Variants in EHMT1 observed in about 807,000 individuals in gnomAD.
EHMT1 encodes euchromatic histone lysine methyltransferase 1.
EHMT1 carries 15 observed loss-of-function variants against 147.2 expected under a neutral mutation model. That is an observed-to-expected ratio of 0.10 (90% CI 0.07 to 0.16). The LOEUF (loss-of-function observed/expected upper bound fraction) is 0.16, where lower values mean the gene tolerates loss of function less well. Among genes scored for constraint, EHMT1 ranks in the 10% least tolerant of loss-of-function variants. The probability of loss-of-function intolerance (pLI) is 1.00; values close to 1 mark genes in which losing one functional copy is unlikely to be tolerated. For missense variants in EHMT1, 1,587 were observed against 1,772.4 expected (o/e 0.90, Z 1.88); for synonymous variants, 795 against 709.6 (o/e 1.12, Z -1.91).
rs755866449 is a variant in EHMT1 at position 137,716,750 on chromosome 9, A to C, written c.210A>C (p.Ala70=). The change falls in exon 3 of 27, where the codon GCA becomes GCC. Residue 70 remains alanine, a synonymous_variant. Transcript: ENST00000460843. ...ATGCCAGCAGTCATGCAAATGCTGC[A>C]AAGCACACTCAGGACAGCGCAAGGG... ...NSDASSHANA[A]KHTQDSARVN... 2 of 1,612,844 alleles carry C rather than the reference A, an allele frequency of 1.2e-6. No homozygotes were observed. Among genetic ancestry groups the C allele is most frequent in the Non-Finnish European group, 1.7e-6 (2 of 1,179,682 alleles).
intron 4 of EHMT1, among the ~76,000 whole-genome samples, chr9:137,735,670 C>T (rs1214566445): frequency 6.6e-6 from 1 of 152,154 alleles, no homozygotes; most frequent in Non-Finnish European, 1.5e-5. Flanking sequence ...CCCAATATGG[C>T]AGTGTTGTGA....
At chr9:137,738,205 C>A (rs1462032053) in intron 4 of EHMT1, among the ~76,000 whole-genome samples, 16 of 145,582 alleles carry the variant, frequency 1.1e-4, no homozygotes, top group African/African-American at 3.7e-4. Flanking sequence ...AAAAAAACAA[C>A]AACAAAAAAA....
intron 3 of EHMT1, among the ~76,000 whole-genome samples, chr9:137,718,102 CT>C (rs1457173387): frequency 1.4e-5 from 2 of 143,608 alleles, no homozygotes; most frequent in Non-Finnish European, 2.9e-5. Flanking sequence ...GCGCCCGCCC[CT>C]CACGCACCGT....
At position 137,797,236 on chromosome 9, in the gene EHMT1, C is replaced by G. The variant is rs146448122; in HGVS notation, c.2506-1577C>G. On this transcript the variant is annotated intron_variant, in intron 16 of 26. Coordinates refer to ENST00000460843, the MANE Select transcript of EHMT1 (RefSeq NM_024757.5). ...CAGACCTCACAGCTAGCTGCTGTCA[C>G]TGAACCCGACAGAAGCCTTTCCTTA... 7.8e-3 allele frequency among the ~76,000 whole-genome samples: 1,192 copies of G among 152,256 alleles called. 25 individuals are homozygous for G. The highest frequency in any genetic ancestry group is 0.027 in the African/African-American group (1,140 of 41,530).
chr9:137,825,244 G>A (rs1955729391), intron 25 of EHMT1, among the ~76,000 whole-genome samples: 1 of 152,204 alleles, frequency 6.6e-6, no homozygotes, highest in South Asian at 2.1e-4. Context: ...TCAAGGGGAT[G>A]GGTTGATACA....
chr9:137,716,936 A>T lies in EHMT1; in HGVS notation c.396A>T (p.Leu132=), dbSNP rs752954008. Residue 132 remains leucine, a synonymous_variant, in exon 3 of 27, where the codon CTA becomes CTT. Transcript: ENST00000460843. Reference sequence around the variant, plus strand: ...GATACATCTTAAATAAGCCGGCCCTACAGGCACAGCCCTTGAGGACTACCA... The same window carrying T: ...GATACATCTTAAATAAGCCGGCCCTTCAGGCACAGCCCTTGAGGACTACCA... The part of the protein sequence containing the change: ...SNGYILNKPA[L]QAQPLRTTST... 1.1e-5 allele frequency: 18 copies of T among 1,612,946 alleles called. No homozygotes were observed. The highest frequency in any genetic ancestry group is 1.4e-5 in the Non-Finnish European group (17 of 1,179,850).
chr9:137,800,622 C>T, intron 17 of EHMT1: 2 of 541,866 alleles, frequency 3.7e-6, no homozygotes, highest in Non-Finnish European at 6.7e-6. Context: ...GCAAGGCCGA[C>T]AGCACAGGGC....
intron 4 of EHMT1, among the ~76,000 whole-genome samples, chr9:137,735,824 T>C (rs1947484487): frequency 6.6e-6 from 1 of 152,228 alleles, no homozygotes; most frequent in Non-Finnish European, 1.5e-5. Context: ...TTGGTTTCTC[T>C]GTCTCTTCCT....
At chr9:137,714,470 G>A (rs1400076193) in intron 2 of EHMT1, among the ~76,000 whole-genome samples, 1 of 151,246 alleles carries the variant, frequency 6.6e-6, no homozygotes, top group Non-Finnish European at 1.5e-5. Flanking sequence ...CATTTCTGGG[G>A]TTAAATTCCA....
At chr9:137,757,285 C>T (rs2136261954) in intron 8 of EHMT1, among the ~76,000 whole-genome samples, 1 of 152,346 alleles carries the variant, frequency 6.6e-6, no homozygotes, top group Admixed American at 6.5e-5. Flanking sequence ...CTCACAGCAC[C>T]CTGCTCCCTG....
chr9:137,694,509 C>G (rs1943234866), intron 1 of EHMT1, among the ~76,000 whole-genome samples: 1 of 152,196 alleles, frequency 6.6e-6, no homozygotes. Context: ...GAGGCAGTCT[C>G]GTTGGTCGGC....
chr9:137,834,812 G>A lies in EHMT1; in HGVS notation c.3756G>A (p.Lys1252=), dbSNP rs1401488433. Residue 1252 remains lysine, a synonymous_variant, in exon 27 of 27, where the codon AAG becomes AAA. Transcript: ENST00000460843. ...AGCGCTTCTGGGACATCAAAGGCAA[G>A]CTCTTCAGCTGCCGCTGCGGCTCCC... ...YGERFWDIKG[K]LFSCRCGSPK... is the part of the protein sequence containing the mutation. 1.9e-6 allele frequency: 3 copies of A among 1,612,678 alleles called. No homozygotes were observed. Among genetic ancestry groups the A allele is most frequent in the East Asian group, 2.2e-5 (1 of 44,866 alleles).
Position 137,762,261 on chromosome 9 carries a change from A to ATT in EHMT1, c.1502-402_1502-401dup, listed in dbSNP as rs11405067. ...ACCGTTATTAAAACCTTCCAAACTG[A>ATT]TTTTTTTTTTTTTGTGGCTGCCATT... On this transcript the variant is annotated intron_variant, in intron 9 of 26. Coordinates refer to ENST00000460843, the MANE Select transcript of EHMT1 (RefSeq NM_024757.5). Among the ~76,000 whole-genome samples, 622 of 147,414 alleles carry ATT rather than the reference A, an allele frequency of 4.2e-3. 2 individuals carry two copies. The highest frequency in any genetic ancestry group is 0.021 in the Middle Eastern group (6 of 286).
In EHMT1 at chr9:137,810,016, G is replaced by C. The variant is rs56064095; in HGVS notation, c.2713-1445G>C. ...TCCGATGCTGCCCCTCGTGGACTGTGGGTGATGGGTCCGGAGGCGGTTCCG... is the reference window on the plus strand; with the variant it reads ...TCCGATGCTGCCCCTCGTGGACTGTCGGTGATGGGTCCGGAGGCGGTTCCG... On this transcript the variant is annotated intron_variant, in intron 18 of 26. Transcript: ENST00000460843. Among the ~76,000 whole-genome samples the C allele has an allele frequency of 5.3e-5, 6 of 114,196 alleles. No homozygotes were observed. In the South Asian group the frequency reaches 1.1e-3, roughly 20 times the overall value. The allele number at this position is 114,196 out of a possible 152,430, so 74.9% of individuals were successfully genotyped here. A position where few individuals can be genotyped will look rare whatever the true frequency, so the allele number is the denominator to read the frequency against.
chr9:137,719,402 T>TG (rs1220634808), intron 3 of EHMT1, among the ~76,000 whole-genome samples: 1 of 152,096 alleles, frequency 6.6e-6, no homozygotes, highest in African/African-American at 2.4e-5. Flanking sequence ...GCCGGACTGC[T>TG]GGCTCCTCAG....
intron 3 of EHMT1, among the ~76,000 whole-genome samples, chr9:137,724,103 C>G (rs1452642986): frequency 6.6e-6 from 1 of 152,240 alleles, no homozygotes; most frequent in African/African-American, 2.4e-5. Flanking sequence ...TTGTTTTTCT[C>G]TCTGTGTGTG....
chr9:137,640,224 C>T (rs562140573), intron 1 of EHMT1, among the ~76,000 whole-genome samples: 1 of 152,048 alleles, frequency 6.6e-6, no homozygotes, highest in East Asian at 1.9e-4. Flanking sequence ...TGTGAGCCAC[C>T]GTGCCTGGCC....
intron 3 of EHMT1, among the ~76,000 whole-genome samples, chr9:137,723,103 C>G (rs112123533): frequency 1.7e-5 from 2 of 118,840 alleles, no homozygotes; most frequent in Non-Finnish European, 3.6e-5. Flanking sequence ...GGCCTGAGCC[C>G]GGGGTGTGTC....
chr9:137,811,340 G>A (rs1369767206), intron 18 of EHMT1, 121 bp from the exon 19 acceptor site: 24 of 1,401,914 alleles, frequency 1.7e-5, no homozygotes, highest in African/African-American at 8.5e-5. Context: ...GCCCTGCTGC[G>A]GACGGCCACG....
Sources: gnomAD v4.1 joint callset for allele counts (sites outside exome capture counted in the v4.1 genomes callset) on GRCh38, gnomAD v4.1.1 for gene constraint, MANE v1.5 for transcripts, NCBI Gene and HGNC (gene_info 2026-07-23, HGNC 2026-07-21) for gene names.